Variants in IMMP2L observed in about 807,000 individuals in gnomAD.
The protein encoded by IMMP2L is inner mitochondrial membrane peptidase subunit 2.
IMMP2L carries 18 observed loss-of-function variants against 19.3 expected under a neutral mutation model. The ratio of observed to expected loss-of-function variants is 0.93; its 90% CI spans 0.64 to 1.38. The LOEUF (loss-of-function observed/expected upper bound fraction) is 1.38. Ranked by LOEUF, IMMP2L falls within the 40% of genes most tolerant of loss-of-function variation. IMMP2L has a pLI of 0.00. For synonymous variants in IMMP2L, 76 were observed against 73.0 expected, an observed-to-expected ratio of 1.04 and a Z score of -0.21; for missense variants, 233 against 218.2, an observed-to-expected ratio of 1.07 and a Z score of -0.43.
At chr7:110,873,469 AGCAG>A (rs996122429) in intron 5 of IMMP2L, among the ~76,000 whole-genome samples, 4 of 149,790 alleles carry the variant, frequency 2.7e-5, no homozygotes, top group Non-Finnish European at 5.9e-5. Flanking sequence ...GTTAAAAGAA[AGCAG>A]CATTTGTTGG....
intron 3 of IMMP2L, among the ~76,000 whole-genome samples, chr7:110,965,453 A>C (rs1819437504): frequency 1.3e-5 from 2 of 152,022 alleles, no homozygotes; most frequent in Admixed American, 1.3e-4. Context: ...AATTAGTTTC[A>C]CAGTTTTTCA....
chr7:111,345,213 T>G (rs983420339), intron 3 of IMMP2L, among the ~76,000 whole-genome samples: 1 of 152,160 alleles, frequency 6.6e-6, no homozygotes, highest in African/African-American at 2.4e-5. Context: ...TTACTAAATG[T>G]GTAATATTAC....
intron 3 of IMMP2L, among the ~76,000 whole-genome samples, chr7:111,202,301 A>G (rs1810230755): frequency 6.6e-6 from 1 of 152,196 alleles, no homozygotes; most frequent in African/African-American, 2.4e-5. Flanking sequence ...GAAGCTGTTA[A>G]CTGGAGTGCT....
rs571442469 is a variant in IMMP2L, at chr7:110,763,685, T to C, written c.409-99964A>G. Among the ~76,000 whole-genome samples the C allele has an allele frequency of 1.2e-4, 19 of 152,174 alleles. 1 individual carries two copies. Among genetic ancestry groups the C allele is most frequent in the Non-Finnish European group, 2.6e-4 (18 of 67,976 alleles). Reference sequence around the variant, plus strand: ...GCCAAGTTCAGCCAAACCTCACAAATTGGAGTAACTTGATTTAAAGCAGGG... The same window carrying C: ...GCCAAGTTCAGCCAAACCTCACAAACTGGAGTAACTTGATTTAAAGCAGGG... On this transcript the variant is annotated intron_variant, in intron 5 of 5. Coordinates refer to ENST00000405709, the MANE Select transcript of IMMP2L (RefSeq NM_032549.4).
At chr7:111,231,054 G>GTGTGTA (rs1029378371) in intron 3 of IMMP2L, among the ~76,000 whole-genome samples, 1 of 149,080 alleles carries the variant, frequency 6.7e-6, no homozygotes, top group Non-Finnish European at 1.5e-5. Context: ...GTGTGTGTGT[G>GTGTGTA]TACATATAAA....
At chr7:111,537,841 T>C (rs1470613332) in intron 1 of IMMP2L, among the ~76,000 whole-genome samples, 2 of 152,052 alleles carry the variant, frequency 1.3e-5, no homozygotes, top group Admixed American at 1.3e-4. Context: ...AGTTCCTCTC[T>C]TTCACAGCAC....
intron 5 of IMMP2L, among the ~76,000 whole-genome samples, chr7:110,846,819 T>G (rs1044156495): frequency 6.6e-6 from 1 of 152,202 alleles, no homozygotes; most frequent in African/African-American, 2.4e-5. Context: ...CATTACTCTA[T>G]TTCTGTCATT....
At chr7:110,841,195 C>A (rs1805048564) in intron 5 of IMMP2L, among the ~76,000 whole-genome samples, 1 of 151,634 alleles carries the variant, frequency 6.6e-6, no homozygotes, top group Non-Finnish European at 1.5e-5. Flanking sequence ...TTAAGGTGCA[C>A]AACATTATGT....
At chr7:111,520,889 G>A (rs191796734) in intron 2 of IMMP2L, among the ~76,000 whole-genome samples, 238 of 152,200 alleles carry the variant, frequency 1.6e-3, no homozygotes, top group African/African-American at 5.3e-3. Flanking sequence ...GGGATCAATG[G>A]TCTAGACATT....
chr7:110,865,560 G>T (rs1214751548), intron 5 of IMMP2L, among the ~76,000 whole-genome samples: 1 of 151,932 alleles, frequency 6.6e-6, no homozygotes, highest in African/African-American at 2.4e-5. Context: ...GTAACAGATG[G>T]TGGAGCTTCT....
intron 5 of IMMP2L, among the ~76,000 whole-genome samples, chr7:110,791,576 C>T (rs1447501221): frequency 6.6e-6 from 1 of 151,738 alleles, no homozygotes; most frequent in African/African-American, 2.4e-5. Context: ...CAATATTCCT[C>T]TTTCTCTCCT....
intron 5 of IMMP2L, among the ~76,000 whole-genome samples, chr7:110,726,138 AAATTCACCAAGG>A (rs1271084896): frequency 6.6e-6 from 1 of 152,222 alleles, no homozygotes; most frequent in African/African-American, 2.4e-5. Context: ...TCTCATATGG[AAATTCACCAAGG>A]AAGACCATTA....
intron 3 of IMMP2L, among the ~76,000 whole-genome samples, chr7:111,243,467 T>C (rs896901685): frequency 3.9e-5 from 6 of 151,954 alleles, no homozygotes; most frequent in African/African-American, 1.2e-4. Flanking sequence ...TTAAAAGTTA[T>C]ATGCTTATAG....
chr7:110,695,423 C>T (rs1232334313), intron 5 of IMMP2L, among the ~76,000 whole-genome samples: 4 of 152,026 alleles, frequency 2.6e-5, no homozygotes, highest in Non-Finnish European at 4.4e-5. Flanking sequence ...GACTCCTGGG[C>T]TCAAGCAATC....
intron 3 of IMMP2L, among the ~76,000 whole-genome samples, chr7:111,226,129 T>C (rs1184142332): frequency 1.3e-5 from 2 of 151,964 alleles, no homozygotes; most frequent in Non-Finnish European, 2.9e-5. Flanking sequence ...TCCCATTCTG[T>C]CACTCCCTAA....
intron 3 of IMMP2L, among the ~76,000 whole-genome samples, chr7:111,297,820 T>C (rs1821790478): frequency 6.6e-6 from 1 of 152,124 alleles, no homozygotes; most frequent in African/African-American, 2.4e-5. Context: ...AAGTGTATAC[T>C]GTATAAGTCC....
chr7:110,810,649 A>T (rs1172512841), intron 5 of IMMP2L, among the ~76,000 whole-genome samples: 1 of 152,046 alleles, frequency 6.6e-6, no homozygotes, highest in East Asian at 1.9e-4. Context: ...GAGTTCCGAT[A>T]ATGGAACACT....
chr7:111,070,281 T>C (rs1284197581), intron 3 of IMMP2L, among the ~76,000 whole-genome samples: 1 of 152,194 alleles, frequency 6.6e-6, no homozygotes, highest in Non-Finnish European at 1.5e-5. Context: ...CCTTTGCATC[T>C]GAAAATATCA....
At position 110,886,662 on chromosome 7, in the gene IMMP2L, G is replaced by T. The variant is rs778483201; in HGVS notation, c.339C>A (p.Val113=). 4 of 1,605,990 alleles carry T rather than the reference G, an allele frequency of 2.5e-6. No individual in the cohort carries two copies. The highest frequency in any genetic ancestry group is 3.4e-6 in the Non-Finnish European group (4 of 1,172,920). ...TIGHKNRYVK[V]PRGHIWVEGD... is the part of the protein sequence containing the mutation. ...CTTCAACCCAGATGTGACCACGGGG[G>T]ACTTTGACATACCGGTTTTTGTGTC... Residue 113 remains valine (V), a synonymous_variant, in exon 5 of 6, where the codon GTC becomes GTA. Transcript: ENST00000405709.
Sources: gnomAD v4.1 joint callset for allele counts (sites outside exome capture counted in the v4.1 genomes callset) on GRCh38, gnomAD v4.1.1 for gene constraint, MANE v1.5 for transcripts, NCBI Gene and HGNC (gene_info 2026-07-23, HGNC 2026-07-21) for gene names.